Variants in CPE observed in about 807,000 individuals in gnomAD.
The protein encoded by CPE is carboxypeptidase E, also known as carbocypeptidase E.
CPE carries 17 observed loss-of-function variants against 53.5 expected under a neutral mutation model. That is an observed-to-expected ratio of 0.32 (90% confidence interval 0.22 to 0.48). The LOEUF is 0.48. Among genes scored for constraint, CPE ranks in the 20% least tolerant of loss-of-function variants. The pLI is 0.99. For synonymous variants in CPE, 226 were observed against 228.8 expected (o/e 0.99, Z 0.11); for missense variants, 524 against 614.7 (o/e 0.85, Z 1.56).
intron 1 of CPE, among the ~76,000 whole-genome samples, chr4:165,416,558 T>C: frequency 6.6e-6 from 1 of 151,908 alleles, no homozygotes; most frequent in East Asian, 2.0e-4. Flanking sequence ...ACTTGCTTGA[T>C]CTCCAGAGGC....
intron 3 of CPE, among the ~76,000 whole-genome samples, chr4:165,481,061 G>GA (rs1732403111): frequency 7.7e-6 from 1 of 129,642 alleles, no homozygotes; most frequent in African/African-American, 2.9e-5. Flanking sequence ...CCAACCAAAT[G>GA]AAAAATAATA....
chr4:165,484,329 A>G, intron 4 of CPE, 93 bp from the exon 5 acceptor site: 1 of 1,157,430 alleles, frequency 8.6e-7, no homozygotes, highest in Non-Finnish European at 1.2e-6. Context: ...TACATCAACA[A>G]TACAATTACT....
chr4:165,474,106 G>A (rs1024027503), intron 3 of CPE, among the ~76,000 whole-genome samples: 8 of 152,214 alleles, frequency 5.3e-5, no homozygotes, highest in African/African-American at 1.7e-4. Context: ...TGTTTTTAGG[G>A]AAACCTGGAT....
At chr4:165,392,615 A>G (rs2126656332) in intron 1 of CPE, among the ~76,000 whole-genome samples, 1 of 146,358 alleles carries the variant, frequency 6.8e-6, no homozygotes, top group East Asian at 2.0e-4. Context: ...TATAGTATAA[A>G]TATACTATTA....
intron 1 of CPE, among the ~76,000 whole-genome samples, chr4:165,423,984 T>TA (rs1356448959): frequency 2.6e-5 from 4 of 152,120 alleles, no homozygotes; most frequent in South Asian, 2.1e-4. Context: ...CATCATTTTT[T>TA]AAAAAAATCC....
chr4:165,473,496 G>C (rs995979212), intron 3 of CPE, among the ~76,000 whole-genome samples: 4 of 152,226 alleles, frequency 2.6e-5, no homozygotes. Flanking sequence ...TCAAGAGATT[G>C]CTCAGTTAGA....
At chr4:165,417,239 T>A (rs1731139493) in intron 1 of CPE, among the ~76,000 whole-genome samples, 1 of 151,686 alleles carries the variant, frequency 6.6e-6, no homozygotes, top group African/African-American at 2.4e-5. Context: ...GTTTAGACTT[T>A]AAAAAAAATG....
intron 1 of CPE, among the ~76,000 whole-genome samples, chr4:165,401,539 G>A (rs1161453234): frequency 6.6e-6 from 1 of 152,216 alleles, no homozygotes; most frequent in African/African-American, 2.4e-5. Flanking sequence ...TAAGATTTAT[G>A]TGCGGGTAAA....
chr4:165,437,742 G>A (rs1344228112), intron 1 of CPE, among the ~76,000 whole-genome samples: 24 of 152,332 alleles, frequency 1.6e-4, no homozygotes, highest in African/African-American at 5.5e-4. Flanking sequence ...GGAGCAGAGT[G>A]TGGGGTGTGG....
chr4:165,475,787 C>T (rs748509799), intron 3 of CPE, among the ~76,000 whole-genome samples: 2 of 152,172 alleles, frequency 1.3e-5, no homozygotes, highest in Non-Finnish European at 2.9e-5. Flanking sequence ...GAGTTCTACT[C>T]GGTGTGAACT....
chr4:165,404,926 A>T (rs933067854), intron 1 of CPE: 4 of 760,188 alleles, frequency 5.3e-6, no homozygotes, highest in Non-Finnish European at 9.9e-6. Flanking sequence ...CTGGGAGAGG[A>T]GATGTGTTAC....
intron 1 of CPE, among the ~76,000 whole-genome samples, chr4:165,446,041 A>G (rs2126688753): frequency 6.6e-6 from 1 of 152,278 alleles, no homozygotes; most frequent in Middle Eastern, 3.4e-3. Context: ...TTCTAGGTAG[A>G]ATAAGATAAA....
At chr4:165,432,313 T>C (rs1731426175) in intron 1 of CPE, among the ~76,000 whole-genome samples, 1 of 152,148 alleles carries the variant, frequency 6.6e-6, no homozygotes, top group East Asian at 1.9e-4. Context: ...TGTGTGTGTG[T>C]GAGACAGGGT....
chr4:165,380,807 C>A (rs1730495771), intron 1 of CPE, among the ~76,000 whole-genome samples: 1 of 152,126 alleles, frequency 6.6e-6, no homozygotes, highest in African/African-American at 2.4e-5. Flanking sequence ...TGTAAGTTTG[C>A]TGTCAAAATT....
chr4:165,476,481 ACT>A (rs140669235), intron 3 of CPE, among the ~76,000 whole-genome samples: 15,253 of 144,650 alleles, frequency 0.11, 973 homozygotes, highest in East Asian at 0.16. Flanking sequence ...TACCAGTTAA[ACT>A]CTGCCATTTT....
At chr4:165,416,795 A>G (rs890521685) in intron 1 of CPE, among the ~76,000 whole-genome samples, 11 of 151,956 alleles carry the variant, frequency 7.2e-5, no homozygotes, top group Non-Finnish European at 1.5e-5. Context: ...CTGTTAGGCC[A>G]TAAGCTCAGT....
intron 1 of CPE, among the ~76,000 whole-genome samples, chr4:165,419,352 G>T (rs1450148379): frequency 6.6e-6 from 1 of 152,068 alleles, no homozygotes; most frequent in Non-Finnish European, 1.5e-5. Flanking sequence ...TTTCCCTTGA[G>T]AACTGAAGGC....
intron 1 of CPE, among the ~76,000 whole-genome samples, chr4:165,412,034 T>G (rs887910904): frequency 2.2e-4 from 33 of 152,202 alleles, no homozygotes; most frequent in Non-Finnish European, 4.1e-4. Context: ...GTCAACAACT[T>G]GTACACTGGA....
At chr4:165,446,655 A>G (rs1442121142) in intron 1 of CPE, among the ~76,000 whole-genome samples, 1 of 152,086 alleles carries the variant, frequency 6.6e-6, no homozygotes, top group Non-Finnish European at 1.5e-5. Flanking sequence ...GCCTAGAGTT[A>G]TTTTCTAATA....
Sources: gnomAD v4.1 joint callset for allele counts (sites outside exome capture counted in the v4.1 genomes callset) on GRCh38, gnomAD v4.1.1 for gene constraint, MANE v1.5 for transcripts, NCBI Gene and HGNC (gene_info 2026-07-23, HGNC 2026-07-21) for gene names.